Variants in ADGRB3 observed in about 807,000 individuals in gnomAD.
The protein encoded by ADGRB3 is adhesion G protein-coupled receptor B3.
Under a neutral mutation model 193.4 loss-of-function variants are expected in ADGRB3, and 37 were observed. That is an observed-to-expected ratio of 0.19 (90% CI 0.15 to 0.25). ADGRB3 has a LOEUF of 0.25. ADGRB3 is among the 10% of genes least tolerant of loss of function. ADGRB3 has a pLI of 1.00. For missense variants in ADGRB3, 1,637 were observed against 1,852.9 expected (o/e 0.88, Z 2.14); for synonymous variants, 690 against 644.2 (o/e 1.07, Z -1.08).
chr6:69,385,569 T>C (rs759960296), intron 31 of ADGRB3, among the ~76,000 whole-genome samples: 2 of 152,138 alleles, frequency 1.3e-5, no homozygotes, highest in Admixed American at 1.3e-4. Flanking sequence ...TTGGCTTATA[T>C]GGAATTTATG....
Position 69,282,065 on chromosome 6 carries a change from G to A in ADGRB3, c.2815-42807G>A, listed in dbSNP as rs117597395. Among the ~76,000 whole-genome samples the A allele has an allele frequency of 1.2e-4, 18 of 152,220 alleles. No homozygotes were observed. The East Asian group carries it at 2.5e-3, about 21-fold the overall frequency. On this transcript the variant is annotated intron_variant, in intron 20 of 31. Coordinates refer to ENST00000370598, the MANE Select transcript of ADGRB3 (RefSeq NM_001704.3). ...TGCTCTCACCAAAGGGCTGCCATGC[G>A]TACCAGGAGCTCAGAATGAAAAGGT... is the stretch of plus-strand genomic sequence containing the variant.
At chr6:69,108,203 T>C (rs1773267134) in intron 17 of ADGRB3, among the ~76,000 whole-genome samples, 1 of 46,346 alleles carries the variant, frequency 2.2e-5, no homozygotes, top group South Asian at 1.6e-3. Context: ...ACGAGACTTC[T>C]TCAGTTTCAT....
chr6:69,321,272 T>G (rs1055538152), intron 20 of ADGRB3, among the ~76,000 whole-genome samples: 1 of 151,826 alleles, frequency 6.6e-6, no homozygotes, highest in Non-Finnish European at 1.5e-5. Context: ...TAAATCCATT[T>G]TCAAGTTTTG....
At chr6:68,983,729 C>A (rs1327601000) in intron 10 of ADGRB3, among the ~76,000 whole-genome samples, 1 of 151,738 alleles carries the variant, frequency 6.6e-6, no homozygotes. Flanking sequence ...TATAAATAGA[C>A]AGGAGATGCG....
chr6:68,736,123 C>T (rs775751769), intron 3 of ADGRB3, among the ~76,000 whole-genome samples: 1 of 151,892 alleles, frequency 6.6e-6, no homozygotes, highest in Non-Finnish European at 1.5e-5. Flanking sequence ...GAGATCCCTC[C>T]TGCTTCAGCC....
At chr6:68,996,347 C>T (rs1378493017) in intron 11 of ADGRB3, among the ~76,000 whole-genome samples, 1 of 152,122 alleles carries the variant, frequency 6.6e-6, no homozygotes, top group African/African-American at 2.4e-5. Context: ...CGCCTGTTTA[C>T]CTACATCCCT....
At chr6:68,655,750 T>G (rs912042388) in intron 3 of ADGRB3, among the ~76,000 whole-genome samples, 2 of 151,606 alleles carry the variant, frequency 1.3e-5, no homozygotes, top group African/African-American at 4.8e-5. Flanking sequence ...CTAATCAGTT[T>G]TATTTAGAGA....
At chr6:69,294,649 T>C (rs950955632) in intron 20 of ADGRB3, among the ~76,000 whole-genome samples, 4 of 152,176 alleles carry the variant, frequency 2.6e-5, no homozygotes, top group Admixed American at 6.6e-5. Context: ...ATGGTACTTA[T>C]ATAATGAAGA....
intron 3 of ADGRB3, among the ~76,000 whole-genome samples, chr6:68,696,614 A>AT (rs1233485271): frequency 4.0e-5 from 6 of 151,764 alleles, no homozygotes; most frequent in Non-Finnish European, 8.8e-5. Context: ...AATAAGAATA[A>AT]TTTTTTTCAC....
At chr6:69,354,997 TTTA>T in intron 27 of ADGRB3, among the ~76,000 whole-genome samples, 1 of 152,308 alleles carries the variant, frequency 6.6e-6, no homozygotes, top group Middle Eastern at 3.4e-3. Context: ...GTATATTCAA[TTTA>T]TTATTAACTT....
At chr6:69,114,936 C>T (rs1773485560) in intron 17 of ADGRB3, among the ~76,000 whole-genome samples, 1 of 152,140 alleles carries the variant, frequency 6.6e-6, no homozygotes, top group African/African-American at 2.4e-5. Context: ...ATTAAAAAGT[C>T]AAGAAACAAC....
At chr6:68,766,780 A>G (rs1766514821) in intron 3 of ADGRB3, among the ~76,000 whole-genome samples, 1 of 152,018 alleles carries the variant, frequency 6.6e-6, no homozygotes, top group Non-Finnish European at 1.5e-5. Context: ...GCCATGAAAA[A>G]TCATCTTTAT....
chr6:69,151,531 C>T (rs1048167264), intron 17 of ADGRB3, among the ~76,000 whole-genome samples: 3 of 152,150 alleles, frequency 2.0e-5, no homozygotes, highest in Admixed American at 2.0e-4. Flanking sequence ...GTGCCTTTTT[C>T]AGTGATTTGA....
At chr6:68,882,804 A>G (rs1765768403) in intron 3 of ADGRB3, among the ~76,000 whole-genome samples, 1 of 152,186 alleles carries the variant, frequency 6.6e-6, no homozygotes, top group African/African-American at 2.4e-5. Context: ...ATGTGATATG[A>G]AAGAGTCCCT....
intron 20 of ADGRB3, among the ~76,000 whole-genome samples, chr6:69,299,039 A>G (rs1024151712): frequency 3.9e-5 from 6 of 151,928 alleles, no homozygotes; most frequent in Admixed American, 3.9e-4. Context: ...CCTCACCAGC[A>G]TTCATTATTG....
intron 17 of ADGRB3, among the ~76,000 whole-genome samples, chr6:69,088,719 T>C (rs1772622839): frequency 6.6e-6 from 1 of 152,236 alleles, no homozygotes; most frequent in Non-Finnish European, 1.5e-5. Context: ...CTCTTTTTCT[T>C]TTCTTTCAAG....
Position 69,095,748 on chromosome 6 carries a change from G to T in ADGRB3, c.2480+19710G>T, listed in dbSNP as rs559762547. Reference sequence around the variant, plus strand: ...TTCAGAAATAGGCAAACTGAGATGCGTACTGAAATGTATTGCTTCAATATC... The same window carrying T: ...TTCAGAAATAGGCAAACTGAGATGCTTACTGAAATGTATTGCTTCAATATC... On this transcript the variant is annotated intron_variant, in intron 17 of 31. Coordinates refer to ENST00000370598, the MANE Select transcript of ADGRB3 (RefSeq NM_001704.3). 1.9e-3 allele frequency among the ~76,000 whole-genome samples: 293 copies of T among 152,164 alleles called. 4 individuals carry two copies. Among genetic ancestry groups the T allele is most frequent in the African/African-American group, 6.6e-3 (275 of 41,526 alleles).
chr6:68,936,523 A>G lies in ADGRB3; in HGVS notation c.873A>G (p.Glu291=), dbSNP rs377564734. ...TATTTGTTGTCTTGCACGCAGGTGA[A>G]TCTGGTGTGGAAGAGTGGTCCCAGT... ...DAAKFMAQTG[E]SGVEEWSQWS... Residue 291 remains glutamate, a synonymous_variant, in exon 5 of 32, where the codon GAA becomes GAG. Transcript: ENST00000370598. The G allele has an allele frequency of 3.1e-5, 50 of 1,613,574 alleles. 1 individual carries two copies. Among genetic ancestry groups the G allele is most frequent in the South Asian group, 5.5e-5 (5 of 91,006 alleles).
At chr6:69,031,564 T>TTTCTTTCTTTCTTTCTTTCTTTC (rs1398380007) in intron 13 of ADGRB3, among the ~76,000 whole-genome samples, 3 of 135,638 alleles carry the variant, frequency 2.2e-5, no homozygotes, top group Non-Finnish European at 3.2e-5. Context: ...TCTTTCTTTC[T>TTTCTTTCTTTCTTTCTTTCTTTC]TTTCTTCCTC....
Sources: allele counts gnomAD v4.1 joint callset (sites outside exome capture counted in the v4.1 genomes callset), GRCh38; gene constraint gnomAD v4.1.1; transcripts MANE v1.5; gene names NCBI Gene and HGNC (gene_info 2026-07-23, HGNC 2026-07-21).